Variants in ZHX2 observed in about 807,000 individuals in gnomAD.
The protein encoded by ZHX2 is zinc fingers and homeoboxes 2, also known as zinc fingers and homeoboxes protein 2.
ZHX2 carries 6 observed loss-of-function variants against 21.9 expected under a neutral mutation model. That is an observed-to-expected ratio of 0.27 (90% CI 0.15 to 0.54). ZHX2 has a LOEUF of 0.54. Ranked by LOEUF, ZHX2 falls within the 20% of genes least tolerant of loss-of-function variation. The probability of loss-of-function intolerance (pLI) is 0.95; values close to 1 mark genes in which losing one functional copy is unlikely to be tolerated. For synonymous variants in ZHX2, 434 were observed against 437.1 expected (o/e 0.99, Z 0.09); for missense variants, 908 against 1,090.7 (o/e 0.83, Z 2.36).
At chr8:122,930,378 G>A (rs1437315897) in intron 2 of ZHX2, among the ~76,000 whole-genome samples, 1 of 152,222 alleles carries the variant, frequency 6.6e-6, no homozygotes, top group Non-Finnish European at 1.5e-5. Flanking sequence ...AAGAGGGATT[G>A]CGGAAGAATG....
chr8:122,834,516 C>A (rs772634464), intron 1 of ZHX2, among the ~76,000 whole-genome samples: 12 of 152,250 alleles, frequency 7.9e-5, no homozygotes, highest in Admixed American at 3.3e-4. Context: ...CCCCGTGGGC[C>A]TGCAGGGCCC....
intron 2 of ZHX2, among the ~76,000 whole-genome samples, chr8:122,904,801 T>C (rs138073704): frequency 6.6e-6 from 1 of 152,212 alleles, no homozygotes; most frequent in African/African-American, 2.4e-5. Flanking sequence ...GATCTCAAAA[T>C]GAACGATTAA....
chr8:122,853,387 C>T lies in ZHX2; in HGVS notation c.-282-10090C>T, dbSNP rs111965049. Among the ~76,000 whole-genome samples the T allele has an allele frequency of 3.4e-3, 524 of 152,324 alleles. 2 individuals are homozygous for T. Among genetic ancestry groups the T allele is most frequent in the African/African-American group, 0.012 (508 of 41,560 alleles). On this transcript the variant is annotated intron_variant, in intron 1 of 3. Transcript: ENST00000314393. ...CTTTAGGCCACACAGCCCCAGCCAA[C>T]ACATGCAGACATCACATAGCTAGGA...
intron 2 of ZHX2, among the ~76,000 whole-genome samples, chr8:122,866,986 G>A (rs910878944): frequency 5.0e-5 from 5 of 99,852 alleles, no homozygotes; most frequent in African/African-American, 2.4e-4. Flanking sequence ...CACCATGCCA[G>A]CTATTTTTTT....
intron 2 of ZHX2, among the ~76,000 whole-genome samples, chr8:122,904,691 A>G (rs1204547367): frequency 6.6e-6 from 1 of 152,204 alleles, no homozygotes; most frequent in Non-Finnish European, 1.5e-5. Context: ...ATGTTGGAGC[A>G]GTGTCAGAGA....
intron 1 of ZHX2, chr8:122,816,382 C>T (rs1818034900): frequency 6.6e-6 from 1 of 151,554 alleles, no homozygotes; most frequent in Admixed American, 6.6e-5. Flanking sequence ...TTGCAGTGGT[C>T]TGGAACTGAA....
intron 2 of ZHX2, among the ~76,000 whole-genome samples, chr8:122,906,636 A>C (rs896586645): frequency 6.9e-6 from 1 of 144,486 alleles, no homozygotes; most frequent in South Asian, 2.3e-4. Flanking sequence ...AGATACTTTT[A>C]CTTTAAACAC....
At chr8:122,870,667 G>A (rs75894043) in intron 2 of ZHX2, among the ~76,000 whole-genome samples, 4,691 of 105,940 alleles carry the variant, frequency 0.044, 100 homozygotes, top group African/African-American at 0.054. Flanking sequence ...AAAAAAAAAA[G>A]AAAGAGAAAG....
chr8:122,855,476 C>A (rs563754140), intron 1 of ZHX2, among the ~76,000 whole-genome samples: 2 of 152,136 alleles, frequency 1.3e-5, no homozygotes, highest in South Asian at 4.2e-4. Flanking sequence ...AGCAAGGGGG[C>A]AGGGAAGGGA....
chr8:122,899,301 A>G (rs1181620981), intron 2 of ZHX2, among the ~76,000 whole-genome samples: 1 of 152,104 alleles, frequency 6.6e-6, no homozygotes, highest in Non-Finnish European at 1.5e-5. Flanking sequence ...AGCACTGGGA[A>G]CATTTCCTCT....
intron 2 of ZHX2, among the ~76,000 whole-genome samples, chr8:122,943,909 C>G (rs1812906480): frequency 6.6e-6 from 1 of 152,212 alleles, no homozygotes; most frequent in African/African-American, 2.4e-5. Context: ...GCGTGGCATT[C>G]CAGGCTCTTC....
intron 3 of ZHX2, among the ~76,000 whole-genome samples, chr8:122,972,605 T>G (rs560065458): frequency 1.3e-5 from 2 of 152,308 alleles, no homozygotes; most frequent in African/African-American, 4.8e-5. Context: ...TGCCTCATCT[T>G]ATCACTCTTC....
intron 1 of ZHX2, among the ~76,000 whole-genome samples, chr8:122,831,215 A>C (rs773451068): frequency 6.6e-6 from 1 of 152,226 alleles, no homozygotes; most frequent in Non-Finnish European, 1.5e-5. Context: ...ATCGGGCGGC[A>C]TGTGAGCGAA....
intron 2 of ZHX2, among the ~76,000 whole-genome samples, chr8:122,928,228 G>A (rs1820902700): frequency 6.6e-6 from 1 of 152,154 alleles, no homozygotes; most frequent in Admixed American, 6.5e-5. Flanking sequence ...ATGAATAGAG[G>A]AACTACTAAT....
At chr8:122,970,056 G>A (rs1265946308) in intron 3 of ZHX2, among the ~76,000 whole-genome samples, 2 of 152,142 alleles carry the variant, frequency 1.3e-5, no homozygotes, top group Non-Finnish European at 2.9e-5. Context: ...TGGACATCAC[G>A]TGGTAGAAAT....
chr8:122,901,477 G>A (rs1256825642), intron 2 of ZHX2, among the ~76,000 whole-genome samples: 2 of 152,192 alleles, frequency 1.3e-5, no homozygotes, highest in Non-Finnish European at 2.9e-5. Context: ...TCAAAGCACT[G>A]TTTCAGAATG....
chr8:122,918,466 C>T (rs372136917), intron 2 of ZHX2, among the ~76,000 whole-genome samples: 4 of 152,210 alleles, frequency 2.6e-5, no homozygotes, highest in Non-Finnish European at 2.9e-5. Flanking sequence ...TTACCCATCT[C>T]GCCTTTGCCT....
chr8:122,949,777 A>C (rs997339255), intron 2 of ZHX2, among the ~76,000 whole-genome samples: 1 of 152,178 alleles, frequency 6.6e-6, no homozygotes, highest in Non-Finnish European at 1.5e-5. Context: ...AGGCTGAGGC[A>C]GGAGGATTAC....
chr8:122,947,665 A>C (rs868078543), intron 2 of ZHX2, among the ~76,000 whole-genome samples: 2 of 152,068 alleles, frequency 1.3e-5, no homozygotes, highest in Non-Finnish European at 2.9e-5. Flanking sequence ...TGTTTTGCAG[A>C]GGGGCAGCTG....
Sources: gnomAD v4.1 joint callset for allele counts (sites outside exome capture counted in the v4.1 genomes callset) on GRCh38, gnomAD v4.1.1 for gene constraint, MANE v1.5 for transcripts, NCBI Gene and HGNC (gene_info 2026-07-23, HGNC 2026-07-21) for gene names.